C12orf42: variants seen among roughly 807,000 people sequenced by gnomAD.
C12orf42 encodes uncharacterized protein C12orf42.
Under a neutral mutation model 21.6 loss-of-function variants are expected in C12orf42, and 25 were observed. The ratio of observed to expected loss-of-function variants is 1.16; its 90% CI spans 0.84 to 1.62. The LOEUF is 1.62. Among genes scored for constraint, C12orf42 ranks in the 40% most tolerant of loss-of-function variants. C12orf42 has a pLI of 0.00. For missense variants in C12orf42, 483 were observed against 459.3 expected (o/e 1.05, Z -0.47); for synonymous variants, 174 against 175.0 (o/e 0.99, Z 0.05).
At chr12:103,138,292 C>T in the C12orf42 span, among the ~76,000 whole-genome samples, 2 of 152,248 alleles carry the variant, frequency 1.3e-5, no homozygotes, top group South Asian at 2.1e-4. Context: ...GGGGAGGGGA[C>T]TGGTGGAAGG....
intron 10 of C12orf42, among the ~76,000 whole-genome samples, chr12:103,243,917 TGAG>T (rs1203239333): frequency 6.6e-6 from 1 of 152,128 alleles, no homozygotes; most frequent in African/African-American, 2.4e-5. Flanking sequence ...TAAAATTACT[TGAG>T]GAGATTATCT....
chr12:103,330,003 T>C (rs1419165226), intron 4 of C12orf42, among the ~76,000 whole-genome samples: 1 of 152,130 alleles, frequency 6.6e-6, no homozygotes, highest in Non-Finnish European at 1.5e-5. Flanking sequence ...TACATATTCT[T>C]TGAAGATTTT....
chr12:103,138,922 C>T, the C12orf42 span, among the ~76,000 whole-genome samples: 1 of 152,246 alleles, frequency 6.6e-6, no homozygotes, highest in South Asian at 2.1e-4. Context: ...ATTCTTATTT[C>T]CCCTACCATC....
At chr12:103,343,448 A>T (rs2042330775) in intron 4 of C12orf42, among the ~76,000 whole-genome samples, 1 of 152,182 alleles carries the variant, frequency 6.6e-6, no homozygotes, top group Non-Finnish European at 1.5e-5. Flanking sequence ...TAAAAGAAGC[A>T]ATACAGTCAG....
chr12:103,302,485 C>T lies in C12orf42; in HGVS notation c.706G>A (p.Gly236Ser). Reference sequence around the variant, plus strand: ...GGCTCGAGCTCTGTGTTACTCGGGCCGGTGCTCTGCAGAGCGCCGGGCGTC... The same window carrying T: ...GGCTCGAGCTCTGTGTTACTCGGGCTGGTGCTCTGCAGAGCGCCGGGCGTC... ...SQTPGALQST[G>S]PSNTELEPEE... The change falls in exon 6 of 6, where the codon GGC becomes AGC. Residue 236 changes from glycine (G) to serine (S), a missense_variant. By Grantham distance (56) the Gly-to-Ser change is moderately conservative. Coordinates refer to ENST00000548883, the MANE Select transcript of C12orf42 (RefSeq NM_198521.5). 1 of 1,613,472 alleles carries T rather than the reference C, an allele frequency of 6.2e-7. No homozygotes were observed. The highest frequency in any genetic ancestry group is 8.5e-7 in the Non-Finnish European group (1 of 1,179,792).
chr12:103,168,993 C>T, the C12orf42 span, among the ~76,000 whole-genome samples: 1 of 151,866 alleles, frequency 6.6e-6, no homozygotes, highest in Non-Finnish European at 1.5e-5. Flanking sequence ...GGGAACATCA[C>T]ACACTGGAGC....
At chr12:103,274,478 T>C (rs1364379866) in intron 5 of C12orf42, among the ~76,000 whole-genome samples, 1 of 152,208 alleles carries the variant, frequency 6.6e-6, no homozygotes, top group Non-Finnish European at 1.5e-5. Context: ...CATTTAAATC[T>C]CTCCATTTCT....
At chr12:103,223,836 G>A in the C12orf42 span, among the ~76,000 whole-genome samples, 1 of 152,174 alleles carries the variant, frequency 6.6e-6, no homozygotes, top group East Asian at 1.9e-4. Context: ...AAGGGAAAGT[G>A]GTAAAAGTAG....
chr12:103,120,634 C>T, the C12orf42 span, among the ~76,000 whole-genome samples: 1 of 151,490 alleles, frequency 6.6e-6, no homozygotes, highest in Non-Finnish European at 1.5e-5. Flanking sequence ...ATACCAACAT[C>T]ATGGGGTATT....
the C12orf42 span, among the ~76,000 whole-genome samples, chr12:103,204,885 C>A: frequency 6.6e-6 from 1 of 151,908 alleles, no homozygotes; most frequent in Non-Finnish European, 1.5e-5. Flanking sequence ...AATATTGATA[C>A]ATCTAAAATA....
chr12:103,531,913 A>G, the C12orf42 span, among the ~76,000 whole-genome samples: 1 of 152,216 alleles, frequency 6.6e-6, no homozygotes, highest in Non-Finnish European at 1.5e-5. Context: ...GTTTATATAT[A>G]ACTTAGATTA....
At chr12:103,182,618 T>C in the C12orf42 span, among the ~76,000 whole-genome samples, 3 of 152,220 alleles carry the variant, frequency 2.0e-5, no homozygotes, top group African/African-American at 7.2e-5. Context: ...GTTTTACTAA[T>C]ACCCTACCCT....
the C12orf42 span, among the ~76,000 whole-genome samples, chr12:103,181,037 G>T: frequency 1.3e-5 from 2 of 152,002 alleles, no homozygotes; most frequent in Non-Finnish European, 2.9e-5. Context: ...GCTGAGGTGG[G>T]CAGATCACAA....
chr12:103,402,293 C>T (rs933208341), intron 2 of C12orf42, among the ~76,000 whole-genome samples: 1 of 152,308 alleles, frequency 6.6e-6, no homozygotes, highest in Non-Finnish European at 1.5e-5. Flanking sequence ...TGGAAGAGAA[C>T]AATTTTACTT....
At chr12:103,334,205 A>C (rs2041487312) in intron 4 of C12orf42, among the ~76,000 whole-genome samples, 1 of 152,228 alleles carries the variant, frequency 6.6e-6, no homozygotes, top group South Asian at 2.1e-4. Flanking sequence ...AGAACAAAAA[A>C]ATTATAATAA....
At chr12:103,305,245 G>T (rs1441993393) in intron 5 of C12orf42, among the ~76,000 whole-genome samples, 2 of 151,950 alleles carry the variant, frequency 1.3e-5, no homozygotes, top group Non-Finnish European at 2.9e-5. Flanking sequence ...CTACATGACA[G>T]CTCTTGGAAT....
intron 4 of C12orf42, among the ~76,000 whole-genome samples, chr12:103,294,588 G>GAAAGAA (rs1566025897): frequency 2.8e-4 from 20 of 71,988 alleles, no homozygotes; most frequent in African/African-American, 1.1e-3. Context: ...AGGAAGGAAA[G>GAAAGAA]AAAGAAAGAA....
intron 2 of C12orf42, among the ~76,000 whole-genome samples, chr12:103,416,553 C>T (rs1326117702): frequency 1.3e-5 from 2 of 150,906 alleles, no homozygotes; most frequent in South Asian, 4.3e-4. Context: ...TTAAAGCATC[C>T]CACCCGAGAC....
At chr12:103,118,603 C>T in the C12orf42 span, among the ~76,000 whole-genome samples, 9 of 151,866 alleles carry the variant, frequency 5.9e-5, no homozygotes, top group Non-Finnish European at 1.0e-4. Context: ...TCGAGACCAT[C>T]CTGGCTAACA....
Sources: gnomAD v4.1 joint callset for allele counts (sites outside exome capture counted in the v4.1 genomes callset) on GRCh38, gnomAD v4.1.1 for gene constraint, MANE v1.5 for transcripts, NCBI Gene and HGNC (gene_info 2026-07-23, HGNC 2026-07-21) for gene names.